STAMBPL1: variants seen among roughly 807,000 people sequenced by gnomAD.
The protein encoded by STAMBPL1 is AMSH-like protease.
Under a neutral mutation model 52.9 loss-of-function variants are expected in STAMBPL1, and 44 were observed. The observed-to-expected ratio is 0.83, with a 90% CI of 0.65 to 1.07. The LOEUF (loss-of-function observed/expected upper bound fraction) is 1.07. Ranked by LOEUF, STAMBPL1 falls within the 50% of genes least tolerant of loss-of-function variation. STAMBPL1 has a pLI of 0.00. For synonymous variants in STAMBPL1, 164 were observed against 177.3 expected, an observed-to-expected ratio of 0.92 and a Z score of 0.60; for missense variants, 511 against 520.8, an observed-to-expected ratio of 0.98 and a Z score of 0.18.
intron 10 of STAMBPL1, among the ~76,000 whole-genome samples, chr10:88,922,935 A>G (rs535260762): frequency 6.6e-6 from 1 of 152,198 alleles, no homozygotes; most frequent in South Asian, 2.1e-4. Context: ...ATCAGAGAAC[A>G]TTATATTGAC....
intron 10 of STAMBPL1, 52 bp from the exon 11 acceptor site, chr10:88,923,116 A>T: frequency 7.7e-7 from 1 of 1,302,884 alleles, no homozygotes; most frequent in East Asian, 2.4e-5. Flanking sequence ...ATCATATGGT[A>T]AACATTATGG....
rs753482836 is a variant in STAMBPL1 at position 88,908,725 on chromosome 10, A to C, written c.272A>C (p.Asn91Thr). The C allele has an allele frequency of 8.5e-5, 137 of 1,610,356 alleles. No individual in the cohort carries two copies. The highest frequency in any genetic ancestry group is 1.1e-4 in the Non-Finnish European group (129 of 1,178,798). The change falls in exon 4 of 11, where the codon AAC becomes ACC. Residue 91 changes from asparagine (N) to threonine (T), a missense_variant. By Grantham distance (65) the Asn-to-Thr change is moderately conservative. Transcript: ENST00000371926. ...FITLFVEKLPNHRDYQQCAVP... is the reference protein window; with the variant it reads ...FITLFVEKLPTHRDYQQCAVP... Reference sequence around the variant, plus strand: ...AGCTTATTTGTAGAAAAGCTTCCTAACCATCGAGATTACCAGCAATGTGCA... The same window carrying C: ...AGCTTATTTGTAGAAAAGCTTCCTACCCATCGAGATTACCAGCAATGTGCA...
chr10:88,916,962 T>G, intron 8 of STAMBPL1, 145 bp downstream of exon 8: 1 of 838,184 alleles, frequency 1.2e-6, no homozygotes, highest in East Asian at 3.0e-5. Context: ...GTAGTGGTTC[T>G]CAAGCAAAGA....
intron 1 of STAMBPL1, among the ~76,000 whole-genome samples, chr10:88,895,730 A>T (rs185862959): frequency 6.6e-6 from 1 of 152,260 alleles, no homozygotes; most frequent in Non-Finnish European, 1.5e-5. Flanking sequence ...AACTAGTGAT[A>T]GAAACTGGCC....
At chr10:88,906,085 AG>A (rs1845066875) in intron 3 of STAMBPL1, among the ~76,000 whole-genome samples, 1 of 152,224 alleles carries the variant, frequency 6.6e-6, no homozygotes, top group African/African-American at 2.4e-5. Flanking sequence ...GGTTGAGTCT[AG>A]GGGACAAGTT....
chr10:88,901,734 C>T lies in STAMBPL1; in HGVS notation c.26C>T (p.Ser9Phe). 1.9e-6 allele frequency: 3 copies of T among 1,612,372 alleles called. No homozygotes were observed. The highest frequency in any genetic ancestry group is 2.5e-6 in the Non-Finnish European group (3 of 1,179,270). The change falls in exon 2 of 11, where the codon TCT becomes TTT. Residue 9 changes from serine to phenylalanine, a missense_variant. Coordinates refer to ENST00000371926, the MANE Select transcript of STAMBPL1 (RefSeq NM_020799.4). MDQPFTVN[S>F]LKKLAAMPDH... Reference sequence around the variant, plus strand: ...ATGGATCAGCCTTTTACTGTGAATTCTCTGGTAGGTCACACCAGCTGATAT... The same window carrying T: ...ATGGATCAGCCTTTTACTGTGAATTTTCTGGTAGGTCACACCAGCTGATAT...
At chr10:88,888,220 CAG>C (rs1199398578) in intron 1 of STAMBPL1, among the ~76,000 whole-genome samples, 1 of 152,104 alleles carries the variant, frequency 6.6e-6, no homozygotes, top group Non-Finnish European at 1.5e-5. Flanking sequence ...GTGGAAGACA[CAG>C]AGAAGGGGAA....
intron 3 of STAMBPL1, among the ~76,000 whole-genome samples, chr10:88,905,887 C>G (rs1263287932): frequency 1.3e-5 from 2 of 152,162 alleles, no homozygotes; most frequent in Non-Finnish European, 2.9e-5. Context: ...TCAGGGTTAT[C>G]AGATTTCCTT....
At chr10:88,916,563 T>A in intron 7 of STAMBPL1, 117 bp from the exon 8 acceptor site, 1 of 956,738 alleles carries the variant, frequency 1.0e-6, no homozygotes, top group East Asian at 3.4e-5. Flanking sequence ...GTGGTCCCTG[T>A]ACCTGGACAC....
intron 1 of STAMBPL1, among the ~76,000 whole-genome samples, chr10:88,886,594 C>T (rs1296905467): frequency 6.6e-6 from 1 of 151,910 alleles, no homozygotes; most frequent in Non-Finnish European, 1.5e-5. Flanking sequence ...TCAGCAAAAG[C>T]TCAAGCAAGA....
At chr10:88,908,647 C>A (rs1845137285) in intron 3 of STAMBPL1, 55 bp from the exon 4 acceptor site, 1 of 1,400,644 alleles carries the variant, frequency 7.1e-7, no homozygotes, top group African/African-American at 1.4e-5. Context: ...TATTAGAAAG[C>A]ATTATTGAAC....
At chr10:88,905,793 T>G (rs1036012008) in intron 3 of STAMBPL1, 133 bp downstream of exon 3, 1 of 717,822 alleles carries the variant, frequency 1.4e-6, no homozygotes, top group Non-Finnish European at 2.2e-6. Context: ...GCATTAAATG[T>G]TCAAGTTTTT....
intron 5 of STAMBPL1, 50 bp from the exon 6 acceptor site, chr10:88,913,051 A>T (rs200951091): frequency 5.5e-6 from 8 of 1,462,534 alleles, no homozygotes; most frequent in Non-Finnish European, 5.5e-6. Context: ...TTCCAGTTCA[A>T]TGTTTCTCCT....
intron 1 of STAMBPL1, among the ~76,000 whole-genome samples, chr10:88,895,190 G>A (rs1375357109): frequency 6.6e-6 from 1 of 152,164 alleles, no homozygotes; most frequent in Non-Finnish European, 1.5e-5. Flanking sequence ...CTTATGTGAA[G>A]TCACATGTTC....
In STAMBPL1 at chr10:88,914,677, A is replaced by AATATAT. The variant is rs6144018; in HGVS notation, c.903+32_903+37dup. 132 of 851,412 alleles carry AATATAT rather than the reference A, an allele frequency of 1.6e-4. No individual in the cohort carries two copies. Among genetic ancestry groups the AATATAT allele is most frequent in the East Asian group, 2.2e-4 (5 of 22,578 alleles). The allele number at this position is 851,412 out of a possible 1,614,324, so 52.7% of individuals were successfully genotyped here. A position where few individuals can be genotyped will look rare whatever the true frequency, so the allele number is the denominator to read the frequency against. On this transcript the variant is annotated intron_variant, in intron 7 of 10. Coordinates refer to ENST00000371926, the MANE Select transcript of STAMBPL1 (RefSeq NM_020799.4). ...AAAACTGGTATGATCTTTTTATATA[A>AATATAT]ATATATATATATATATATCTGCATA...
intron 7 of STAMBPL1, 49 bp from the exon 8 acceptor site, chr10:88,916,631 T>A (rs752298764): frequency 6.5e-7 from 1 of 1,548,706 alleles, no homozygotes; most frequent in Non-Finnish European, 8.7e-7. Context: ...TCAGTTATTT[T>A]TTTTTTTTCT....
intron 1 of STAMBPL1, among the ~76,000 whole-genome samples, chr10:88,894,443 C>CCT (rs1432481900): frequency 6.6e-6 from 1 of 152,030 alleles, no homozygotes; most frequent in Non-Finnish European, 1.5e-5. Context: ...CTCACTCTTA[C>CCT]CTAGAAGGCA....
chr10:88,904,334 G>A (rs11202886), intron 2 of STAMBPL1, among the ~76,000 whole-genome samples: 14,601 of 152,232 alleles, frequency 0.096, 959 homozygotes, highest in South Asian at 0.3. Flanking sequence ...CCTGACTATA[G>A]GTCTGAGGTG....
At chr10:88,904,926 C>T in intron 2 of STAMBPL1, among the ~76,000 whole-genome samples, 1 of 151,108 alleles carries the variant, frequency 6.6e-6, no homozygotes, top group East Asian at 1.9e-4. Context: ...TTTTTTTTAA[C>T]TCAATGAAGA....
Sources: gnomAD v4.1 joint callset for allele counts (sites outside exome capture counted in the v4.1 genomes callset) on GRCh38, gnomAD v4.1.1 for gene constraint, MANE v1.5 for transcripts, NCBI Gene and HGNC (gene_info 2026-07-23, HGNC 2026-07-21) for gene names.